The following CHCHD3 variants were observed in gnomAD, a reference collection of about 807,000 sequenced individuals.
CHCHD3 encodes coiled-coil-helix-coiled-coil-helix domain containing 3, also known as MICOS complex subunit MIC19.
In CHCHD3, 20 loss-of-function variants were observed where a neutral mutation model predicts 38.2. That is an observed-to-expected ratio of 0.52 (90% CI 0.37 to 0.76). The LOEUF is 0.76. CHCHD3 is among the 30% of genes least tolerant of loss of function. CHCHD3 has a pLI of 0.00. For missense variants in CHCHD3, 245 were observed against 279.2 expected (o/e 0.88, Z 0.87); for synonymous variants, 82 against 100.0 (o/e 0.82, Z 1.07).
intron 3 of CHCHD3, among the ~76,000 whole-genome samples, chr7:133,011,868 G>C (rs1235071103): frequency 6.6e-6 from 1 of 152,112 alleles, no homozygotes; most frequent in African/African-American, 2.4e-5. Flanking sequence ...TATTCTTTCT[G>C]TTACGAAGAA....
intron 4 of CHCHD3, among the ~76,000 whole-genome samples, chr7:132,890,431 T>C (rs532235241): frequency 1.3e-4 from 20 of 152,326 alleles, no homozygotes; most frequent in Non-Finnish European, 2.2e-4. Flanking sequence ...CTTTTCGGCA[T>C]TACTACGCCC....
intron 5 of CHCHD3, among the ~76,000 whole-genome samples, chr7:132,858,626 T>C (rs1297059504): frequency 6.6e-6 from 1 of 152,008 alleles, no homozygotes; most frequent in Admixed American, 6.6e-5. Flanking sequence ...CAAAGAAAAA[T>C]AAATTTTTAG....
At chr7:132,927,853 G>A (rs1288876574) in intron 4 of CHCHD3, among the ~76,000 whole-genome samples, 1 of 152,108 alleles carries the variant, frequency 6.6e-6, no homozygotes, top group African/African-American at 2.4e-5. Context: ...TTTTTTAAAA[G>A]GGACCATCTT....
intron 3 of CHCHD3, among the ~76,000 whole-genome samples, chr7:133,001,237 C>T (rs527690547): frequency 5.3e-5 from 8 of 152,304 alleles, no homozygotes; most frequent in Non-Finnish European, 2.9e-5. Context: ...CATTTCAGGG[C>T]ATTAACTACA....
chr7:132,836,381 A>C (rs1807782974), intron 6 of CHCHD3, among the ~76,000 whole-genome samples: 1 of 152,104 alleles, frequency 6.6e-6, no homozygotes, highest in Admixed American at 6.5e-5. Context: ...CAGTCTCCCA[A>C]AGTGCTGGGA....
intron 6 of CHCHD3, among the ~76,000 whole-genome samples, chr7:132,806,763 A>G (rs1322047556): frequency 1.3e-5 from 2 of 152,148 alleles, no homozygotes; most frequent in African/African-American, 4.8e-5. Context: ...CATCAAGGAC[A>G]CATTCTGCAA....
chr7:132,982,977 C>G (rs1585698570), intron 3 of CHCHD3, among the ~76,000 whole-genome samples: 1 of 152,006 alleles, frequency 6.6e-6, no homozygotes, highest in Non-Finnish European at 1.5e-5. Context: ...TATGTTGATT[C>G]TGGTCAGTTT....
intron 1 of CHCHD3, among the ~76,000 whole-genome samples, chr7:133,081,112 T>C (rs2117560969): frequency 6.6e-6 from 1 of 151,188 alleles, no homozygotes; most frequent in South Asian, 2.1e-4. Flanking sequence ...AAAAAAAAAG[T>C]GCTCTACAAC....
At chr7:132,828,002 T>C (rs530376417) in intron 6 of CHCHD3, among the ~76,000 whole-genome samples, 3 of 152,316 alleles carry the variant, frequency 2.0e-5, no homozygotes, top group East Asian at 3.9e-4. Flanking sequence ...CTGTCTGTTT[T>C]GTTTCTCCAT....
chr7:132,939,340 C>T (rs545315810), intron 4 of CHCHD3, among the ~76,000 whole-genome samples: 1 of 152,178 alleles, frequency 6.6e-6, no homozygotes, highest in Non-Finnish European at 1.5e-5. Flanking sequence ...GTCCTGCAAG[C>T]TCCATTCATG....
At chr7:133,011,536 C>T (rs1397719320) in intron 3 of CHCHD3, among the ~76,000 whole-genome samples, 1 of 152,094 alleles carries the variant, frequency 6.6e-6, no homozygotes, top group Non-Finnish European at 1.5e-5. Context: ...TGGCCTCTAC[C>T]TATCAGATGC....
At chr7:132,967,862 C>T (rs1811512104) in intron 4 of CHCHD3, among the ~76,000 whole-genome samples, 1 of 150,706 alleles carries the variant, frequency 6.6e-6, no homozygotes, top group Non-Finnish European at 1.5e-5. Context: ...GCATTTCTGC[C>T]GACCTAGATG....
chr7:133,024,720 T>C, intron 2 of CHCHD3, 93 bp from the exon 3 acceptor site: 1 of 952,326 alleles, frequency 1.1e-6, no homozygotes. Flanking sequence ...TGAGACTAGA[T>C]TTGAACAGGC....
chr7:132,839,116 C>T (rs1807874574), intron 5 of CHCHD3, among the ~76,000 whole-genome samples: 1 of 151,476 alleles, frequency 6.6e-6, no homozygotes, highest in Non-Finnish European at 1.5e-5. Context: ...CGCTTGAACC[C>T]GGGAGGTGGA....
At chr7:132,942,588 A>G (rs558150570) in intron 4 of CHCHD3, among the ~76,000 whole-genome samples, 1 of 152,264 alleles carries the variant, frequency 6.6e-6, no homozygotes, top group Non-Finnish European at 1.5e-5. Context: ...CATTGGAAGA[A>G]TTTTCTGTTT....
At chr7:132,879,127 G>A (rs1182390910) in intron 5 of CHCHD3, among the ~76,000 whole-genome samples, 1 of 152,182 alleles carries the variant, frequency 6.6e-6, no homozygotes, top group African/African-American at 2.4e-5. Flanking sequence ...TTGATTATAT[G>A]CCATGGAAAA....
intron 5 of CHCHD3, among the ~76,000 whole-genome samples, chr7:132,840,699 T>C (rs1004382464): frequency 3.9e-5 from 6 of 152,184 alleles, no homozygotes; most frequent in Non-Finnish European, 8.8e-5. Context: ...TAAAATAATT[T>C]TGGAGGAAAA....
chr7:132,938,054 C>T (rs149631482), intron 4 of CHCHD3, among the ~76,000 whole-genome samples: 310 of 151,974 alleles, frequency 2.0e-3, no homozygotes, highest in African/African-American at 7.2e-3. Context: ...ATTTTAAAAC[C>T]CCAGCAAATG....
chr7:132,787,925 G>A (rs1208026419), intron 7 of CHCHD3, among the ~76,000 whole-genome samples: 1 of 152,186 alleles, frequency 6.6e-6, no homozygotes, highest in Admixed American at 6.5e-5. Context: ...AAACAAAGTA[G>A]GTGCAGTGGA....
Sources: allele counts gnomAD v4.1 joint callset (sites outside exome capture counted in the v4.1 genomes callset), GRCh38; gene constraint gnomAD v4.1.1; transcripts MANE v1.5; gene names NCBI Gene and HGNC (gene_info 2026-07-23, HGNC 2026-07-21).